The following DACH2 variants were observed in gnomAD, a reference collection of about 807,000 sequenced individuals.
DACH2 encodes dachshund family transcription factor 2, also known as dachshund homolog 2.
In DACH2, 17 loss-of-function variants were observed where a neutral mutation model predicts 35.8. The observed-to-expected ratio is 0.48, with a 90% confidence interval of 0.33 to 0.71. The LOEUF is 0.71. Among genes scored for constraint, DACH2 ranks in the 30% least tolerant of loss-of-function variants. DACH2 has a pLI of 0.02. For synonymous variants in DACH2, 195 were observed against 177.3 expected, an observed-to-expected ratio of 1.10 and a Z score of -0.79; for missense variants, 469 against 472.7, an observed-to-expected ratio of 0.99 and a Z score of 0.07.
At chrX:86,377,011 C>G (rs2035978520) in intron 2 of DACH2, 149 bp downstream of exon 2, 1 of 316,454 alleles carries the variant, frequency 3.2e-6, no homozygotes, top group African/African-American at 2.8e-5. Context: ...GCAGCAAATG[C>G]TGAATCTTGC....
At chrX:86,608,212 A>G (rs767701276) in intron 3 of DACH2, among the ~76,000 whole-genome samples, 3 of 111,436 alleles carry the variant, frequency 2.7e-5, no homozygotes, top group African/African-American at 9.8e-5. Flanking sequence ...CAAAACCACA[A>G]TGAGATACCA....
chrX:86,198,989 T>A (rs1403096409), intron 1 of DACH2, among the ~76,000 whole-genome samples: 2 of 110,126 alleles, frequency 1.8e-5, no homozygotes, highest in African/African-American at 6.6e-5. Flanking sequence ...CCAATATCCT[T>A]GATGAACATT....
intron 1 of DACH2, among the ~76,000 whole-genome samples, chrX:86,319,034 A>G: frequency 8.9e-6 from 1 of 112,094 alleles, no homozygotes; most frequent in Non-Finnish European, 1.9e-5. Flanking sequence ...CTTATAGACA[A>G]TTCTATTCAA....
At chrX:86,278,082 A>C (rs1026251705) in intron 1 of DACH2, among the ~76,000 whole-genome samples, 1 of 111,404 alleles carries the variant, frequency 9.0e-6, no homozygotes, top group Non-Finnish European at 1.9e-5. Flanking sequence ...CACCCAAAAA[A>C]GGTCATATGG....
chrX:86,403,456 T>G (rs1465184413), intron 2 of DACH2, among the ~76,000 whole-genome samples: 1 of 111,429 alleles, frequency 9.0e-6, no homozygotes, highest in Non-Finnish European at 1.9e-5. Context: ...GAAGTGCAAA[T>G]CAAAACCACA....
intron 1 of DACH2, among the ~76,000 whole-genome samples, chrX:86,359,378 G>A (rs73520059): frequency 0.026 from 2,874 of 110,847 alleles, 74 homozygotes; most frequent in East Asian, 0.21. Context: ...GTGACATTTT[G>A]TATTATCCTA....
chrX:86,704,262 G>T (rs2041182216), intron 5 of DACH2, among the ~76,000 whole-genome samples: 1 of 111,414 alleles, frequency 9.0e-6, no homozygotes, highest in Non-Finnish European at 1.9e-5. Context: ...AATGAAACTA[G>T]ATCCTTGTCT....
At chrX:86,403,828 G>A (rs1386637336) in intron 2 of DACH2, among the ~76,000 whole-genome samples, 1 of 111,109 alleles carries the variant, frequency 9.0e-6, no homozygotes. Flanking sequence ...CCCAAGACTG[G>A]GTAATTTATA....
chrX:86,556,964 G>A (rs1486062867), intron 3 of DACH2, among the ~76,000 whole-genome samples: 1 of 106,644 alleles, frequency 9.4e-6, no homozygotes, highest in African/African-American at 3.4e-5. Context: ...CTGAGAACCA[G>A]GGAGCCTATG....
Position 86,743,164 on chromosome X carries a change from C to T in DACH2, c.1240+3282C>T, listed in dbSNP as rs146628466. Among the ~76,000 whole-genome samples, 625 of 111,379 alleles carry T rather than the reference C, an allele frequency of 5.6e-3. 3 individuals carry two copies. Among genetic ancestry groups the T allele is most frequent in the African/African-American group, 0.019 (597 of 30,773 alleles). ...TTTTAAAAATATGTGCTAATTTGGA[C>T]ATTTCAGATGAAAGCTTAGCAAGTT... On this transcript the variant is annotated intron_variant, in intron 7 of 11. Coordinates refer to ENST00000373125, the MANE Select transcript of DACH2 (RefSeq NM_053281.3).
chrX:86,483,716 C>T (rs1479128172), intron 2 of DACH2, among the ~76,000 whole-genome samples: 1 of 110,781 alleles, frequency 9.0e-6, no homozygotes, highest in Non-Finnish European at 1.9e-5. Flanking sequence ...GCCTGTGGTC[C>T]CAGCTACTTG....
intron 2 of DACH2, among the ~76,000 whole-genome samples, chrX:86,401,180 G>C (rs141189407): frequency 8.9e-6 from 1 of 112,491 alleles, no homozygotes; most frequent in African/African-American, 3.2e-5. Context: ...CTCCAAGCCA[G>C]GTGCAGGATA....
Position 86,148,665 on chromosome X carries a change from C to T in DACH2, c.45C>T (p.Gly15=), listed in dbSNP as rs2030242073. ...CAGTGATCTCTGCAACTTCCAGCGGCGCCGGCGTCCCGGGGGGCTTATTCC... is the reference window on the plus strand; with the variant it reads ...CAGTGATCTCTGCAACTTCCAGCGGTGCCGGCGTCCCGGGGGGCTTATTCC... ...ASPVISATSS[G]AGVPGGLFRA... is the part of the protein sequence containing the mutation. Residue 15 remains glycine (G), a synonymous_variant, in exon 1 of 12, where the codon GGC becomes GGT. Transcript: ENST00000373125. 1 of 1,195,910 alleles carries T rather than the reference C, an allele frequency of 8.4e-7. No individual in the cohort carries two copies. Among genetic ancestry groups the T allele is most frequent in the Non-Finnish European group, 1.1e-6 (1 of 887,352 alleles).
At chrX:86,453,952 A>G (rs1343460642) in intron 2 of DACH2, among the ~76,000 whole-genome samples, 1 of 111,563 alleles carries the variant, frequency 9.0e-6, no homozygotes, top group Non-Finnish European at 1.9e-5. Flanking sequence ...TTCCTTCAGG[A>G]TCTCTTGCAA....
intron 5 of DACH2, among the ~76,000 whole-genome samples, chrX:86,696,773 T>C (rs1017357139): frequency 1.9e-4 from 21 of 111,172 alleles, no homozygotes; most frequent in African/African-American, 6.2e-4. Flanking sequence ...CCCTGTCTTA[T>C]GGGGCCCCTA....
At chrX:86,253,472 T>C (rs2033443050) in intron 1 of DACH2, among the ~76,000 whole-genome samples, 1 of 112,023 alleles carries the variant, frequency 8.9e-6, no homozygotes, top group African/African-American at 3.2e-5. Flanking sequence ...GTATTGCCTT[T>C]TTGCATGTTG....
intron 3 of DACH2, among the ~76,000 whole-genome samples, chrX:86,595,843 T>C (rs1257218241): frequency 9.1e-6 from 1 of 110,236 alleles, no homozygotes; most frequent in Non-Finnish European, 1.9e-5. Flanking sequence ...CACTAATATG[T>C]AGTTTCAGAA....
intron 2 of DACH2, among the ~76,000 whole-genome samples, chrX:86,487,181 G>T (rs1457283380): frequency 2.7e-5 from 3 of 111,452 alleles, no homozygotes; most frequent in Non-Finnish European, 5.7e-5. Flanking sequence ...CTCTTAGGTT[G>T]CCCCAACTTT....
intron 3 of DACH2, among the ~76,000 whole-genome samples, chrX:86,524,834 TTGGTGA>T (rs1245154372): frequency 9.0e-6 from 1 of 111,028 alleles, no homozygotes; most frequent in Non-Finnish European, 1.9e-5. Context: ...CTATAGGATG[TTGGTGA>T]TGGTGATGGT....
Sources: allele counts gnomAD v4.1 joint callset (sites outside exome capture counted in the v4.1 genomes callset), GRCh38; gene constraint gnomAD v4.1.1; transcripts MANE v1.5; gene names NCBI Gene and HGNC (gene_info 2026-07-23, HGNC 2026-07-21).